PFN2: variants seen among roughly 807,000 people sequenced by gnomAD.
PFN2 encodes profilin 2.
PFN2 carries 8 observed loss-of-function variants against 15.3 expected under a neutral mutation model. That is an observed-to-expected ratio of 0.52 (90% CI 0.31 to 0.95). The LOEUF (loss-of-function observed/expected upper bound fraction) is 0.95. Ranked by LOEUF, PFN2 falls within the 40% of genes least tolerant of loss-of-function variation. The probability of loss-of-function intolerance (pLI) is 0.05; values close to 1 mark genes in which losing one functional copy is unlikely to be tolerated. For missense variants in PFN2, 111 were observed against 182.3 expected, an observed-to-expected ratio of 0.61 and a Z score of 2.25; for synonymous variants, 79 against 67.9, an observed-to-expected ratio of 1.16 and a Z score of -0.81.
At chr3:149,969,875 C>T (rs938381283) in intron 1 of PFN2, among the ~76,000 whole-genome samples, 3 of 152,100 alleles carry the variant, frequency 2.0e-5, no homozygotes, top group Non-Finnish European at 2.9e-5. Context: ...ACTGCCACCA[C>T]TAAAGAGGGA....
In PFN2 at chr3:149,965,079, C is replaced by G; in HGVS notation, c.*1410G>C. The G allele has an allele frequency of 1.6e-6, 1 of 623,690 alleles. No individual in the cohort carries two copies. The highest frequency in any genetic ancestry group is 2.6e-6 in the Non-Finnish European group (1 of 377,782). The allele number at this position is 623,690 out of a possible 1,614,324, so 38.6% of individuals were successfully genotyped here. A position where few individuals can be genotyped will look rare whatever the true frequency, so the allele number is the denominator to read the frequency against. Reference sequence around the variant, plus strand: ...TTTGTTTTTAAATCTGTACATTATCCACAAGGCCCAAACAATAGAAGCAAA... The same window carrying G: ...TTTGTTTTTAAATCTGTACATTATCGACAAGGCCCAAACAATAGAAGCAAA... On this transcript the variant is annotated 3_prime_UTR_variant, in exon 3 of 3. Coordinates refer to ENST00000239940, the MANE Select transcript of PFN2 (RefSeq NM_053024.4).
chr3:149,966,272 A>G lies in PFN2; in HGVS notation c.*217T>C. 1 of 1,611,176 alleles carries G rather than the reference A, an allele frequency of 6.2e-7. No individual in the cohort carries two copies. Among genetic ancestry groups the G allele is most frequent in the South Asian group, 1.1e-5 (1 of 90,340 alleles). ...CCATGACTATAACCAATGCTGGAGTACACAAGGAAACAAAACAAAAGTGAA... is the reference window on the plus strand; with the variant it reads ...CCATGACTATAACCAATGCTGGAGTGCACAAGGAAACAAAACAAAAGTGAA... On this transcript the variant is annotated 3_prime_UTR_variant, in exon 3 of 3. Coordinates refer to ENST00000239940, the MANE Select transcript of PFN2 (RefSeq NM_053024.4).
intron 1 of PFN2, 26 bp downstream of exon 1, chr3:149,970,699 G>C (rs1296333019): frequency 1.3e-6 from 2 of 1,492,154 alleles, no homozygotes; most frequent in African/African-American, 2.9e-5. Context: ...GCAGGGACCA[G>C]GGTACCGGCC....
rs1187101058 is a variant in PFN2 at position 149,965,344 on chromosome 3, A to G, written c.*1145T>C. 1.3e-6 allele frequency: 2 copies of G among 1,517,908 alleles called. No individual in the cohort carries two copies. The highest frequency in any genetic ancestry group is 1.2e-5 in the South Asian group (1 of 80,154). 94.0% of individuals were successfully genotyped at this position (1,517,908 alleles called of 1,614,324 possible). A position where few individuals can be genotyped will look rare whatever the true frequency, so the allele number is the denominator to read the frequency against. The stretch of plus-strand genomic sequence containing the variant: ...ACACACTCCAGATGGTTATGTTGGG[A>G]TACCTAATGTCCATAATGGCAGCCT... On this transcript the variant is annotated 3_prime_UTR_variant, in exon 3 of 3. Coordinates refer to ENST00000239940, the MANE Select transcript of PFN2 (RefSeq NM_053024.4).
In PFN2 at chr3:149,966,594, A is replaced by T. The variant is rs1337066592; in HGVS notation, c.326-8T>A. 6.3e-7 allele frequency: 1 copy of T among 1,597,814 alleles called. No homozygotes were observed. The highest frequency in any genetic ancestry group is 2.2e-5 in the East Asian group (1 of 44,790). On this transcript the variant is annotated splice_polypyrimidine_tract_variant and splice_region_variant and intron_variant, in intron 2 of 2. Coordinates refer to ENST00000239940, the MANE Select transcript of PFN2 (RefSeq NM_053024.4). ...CCATTACAAAGACCAAGACTGAAAG[A>T]GAAAGAAGAAAAGTGTTTCAAAAGA...
chr3:149,966,663 C>T (rs1010362277), intron 2 of PFN2, 77 bp from the exon 3 acceptor site: 144 of 1,066,236 alleles, frequency 1.4e-4, no homozygotes, highest in Non-Finnish European at 1.3e-4. Flanking sequence ...AGACAGAACC[C>T]GGATTAATAA....
chr3:149,967,743 T>C (rs1439420167), intron 2 of PFN2, among the ~76,000 whole-genome samples: 1 of 152,180 alleles, frequency 6.6e-6, no homozygotes, highest in Non-Finnish European at 1.5e-5. Context: ...CTGACAACAG[T>C]CTGGAGACAC....
rs1559985042 is a variant in PFN2, at chr3:149,965,184, G to A, written c.*1305C>T. 6.7e-7 allele frequency: 1 copy of A among 1,491,098 alleles called. No individual in the cohort carries two copies. Among genetic ancestry groups the A allele is most frequent in the Non-Finnish European group, 8.9e-7 (1 of 1,118,388 alleles). 92.4% of individuals were successfully genotyped at this position (1,491,098 alleles called of 1,614,324 possible). On this transcript the variant is annotated 3_prime_UTR_variant, in exon 3 of 3. Transcript: ENST00000239940. ...TAAAATCCATCTCACAATAGCAACA[G>A]TTCATTTTAACAATAGTATGGCACA...
rs1246525729 is a variant in PFN2, at chr3:149,965,142, A to G, written c.*1347T>C. The G allele has an allele frequency of 8.7e-7, 1 of 1,146,098 alleles. No homozygotes were observed. The highest frequency in any genetic ancestry group is 2.6e-5 in the East Asian group (1 of 38,404). The allele number at this position is 1,146,098 out of a possible 1,614,324, so 71.0% of individuals were successfully genotyped here. A position where few individuals can be genotyped will look rare whatever the true frequency, so the allele number is the denominator to read the frequency against. On this transcript the variant is annotated 3_prime_UTR_variant, in exon 3 of 3. Transcript: ENST00000239940. ...CCTAAAGTAGTGCCATTCGAAAGAAACCCTTAATAGGTCAGTTAAAATCCA... is the reference window on the plus strand; with the variant it reads ...CCTAAAGTAGTGCCATTCGAAAGAAGCCCTTAATAGGTCAGTTAAAATCCA...
intron 1 of PFN2, among the ~76,000 whole-genome samples, chr3:149,969,211 C>T (rs758806765): frequency 3.3e-5 from 5 of 152,138 alleles, no homozygotes; most frequent in African/African-American, 7.2e-5. Flanking sequence ...TCTTTCTGGG[C>T]AAACGCAAAG....
Position 149,966,456 on chromosome 3 carries a change from T to C in PFN2, c.*33A>G. ...TATAGCTAGGAAAGTTTAAGAGCAA[T>C]TTTCCCCTAATACTTAACAGTCTGC... On this transcript the variant is annotated 3_prime_UTR_variant, in exon 3 of 3. Transcript: ENST00000239940. The C allele has an allele frequency of 1.2e-6, 2 of 1,603,760 alleles. No individual in the cohort carries two copies. Among genetic ancestry groups the C allele is most frequent in the Non-Finnish European group, 1.7e-6 (2 of 1,177,200 alleles).
At chr3:149,968,759 T>C in intron 1 of PFN2, 1 of 528,316 alleles carries the variant, frequency 1.9e-6, no homozygotes, top group Non-Finnish European at 3.3e-6. Context: ...TGAGTTGATT[T>C]GACTTCAGTT....
In PFN2 at chr3:149,966,397, T is replaced by A; in HGVS notation, c.*92A>T. 1 of 1,590,614 alleles carries A rather than the reference T, an allele frequency of 6.3e-7. No individual in the cohort carries two copies. Among genetic ancestry groups the A allele is most frequent in the Non-Finnish European group, 8.5e-7 (1 of 1,170,772 alleles). On this transcript the variant is annotated 3_prime_UTR_variant, in exon 3 of 3. Coordinates refer to ENST00000239940, the MANE Select transcript of PFN2 (RefSeq NM_053024.4). The stretch of plus-strand genomic sequence containing the variant: ...AGGTTCATACCCCATCACCCTGCAT[T>A]GCTAATAAAATTTCCAGAATTAAGA...
intron 2 of PFN2, 124 bp downstream of exon 2, chr3:149,968,234 G>A (rs1167360589): frequency 1.4e-5 from 11 of 781,174 alleles, no homozygotes; most frequent in Non-Finnish European, 2.2e-5. Context: ...CCATAGTGCT[G>A]GGCAGTTCAC....
At chr3:149,970,225 G>A (rs1722816659) in intron 1 of PFN2, 1 of 151,672 alleles carries the variant, frequency 6.6e-6, no homozygotes, top group Non-Finnish European at 1.5e-5. Flanking sequence ...CCCACAGCCG[G>A]AGGCGCGGGA....
Position 149,970,802 on chromosome 3 carries a change from C to A in PFN2, c.55G>T (p.Glu19Ter). Residue 19 changes from glutamate (E) to a stop codon, truncating the protein, a stop_gained, in exon 1 of 3, where the codon GAG becomes TAG. Transcript: ENST00000239940. LOFTEE classifies it high-confidence loss of function. ...TCGCAGTAGCCGACAATGGCGGCCTCCTGGCAGCAGCCATCGCACATCAGG... is the reference window on the plus strand; with the variant it reads ...TCGCAGTAGCCGACAATGGCGGCCTACTGGCAGCAGCCATCGCACATCAGG... ...DNLMCDGCCQ[E>*]AAIVGYCDAK... 1 of 1,513,362 alleles carries A rather than the reference C, an allele frequency of 6.6e-7. No homozygotes were observed. Among genetic ancestry groups the A allele is most frequent in the Admixed American group, 2.1e-5 (1 of 47,592 alleles). The allele number at this position is 1,513,362 out of a possible 1,614,324, so 93.7% of individuals were successfully genotyped here.
Position 149,965,070 on chromosome 3 carries a change from T to C in PFN2, c.*1419A>G. 1.7e-6 allele frequency: 1 copy of C among 605,070 alleles called. No homozygotes were observed. Among genetic ancestry groups the C allele is most frequent in the East Asian group, 2.9e-5 (1 of 34,544 alleles). 37.5% of individuals were successfully genotyped at this position (605,070 alleles called of 1,614,324 possible). On this transcript the variant is annotated 3_prime_UTR_variant, in exon 3 of 3. Coordinates refer to ENST00000239940, the MANE Select transcript of PFN2 (RefSeq NM_053024.4). ...GCAACAAGATTTGTTTTTAAATCTG[T>C]ACATTATCCACAAGGCCCAAACAAT...
chr3:149,965,524 C>G lies in PFN2; in HGVS notation c.*965G>C, dbSNP rs1429110707. ...TTTTTGCTCTTGTTTTGCCATTGCA[C>G]TCTTCATATGTCCTGTAGACACTAT... On this transcript the variant is annotated 3_prime_UTR_variant, in exon 3 of 3. Coordinates refer to ENST00000239940, the MANE Select transcript of PFN2 (RefSeq NM_053024.4). 2 of 1,400,530 alleles carry G rather than the reference C, an allele frequency of 1.4e-6. No individual in the cohort carries two copies. The highest frequency in any genetic ancestry group is 2.9e-5 in the African/African-American group (2 of 69,012). The allele number at this position is 1,400,530 out of a possible 1,614,324, so 86.8% of individuals were successfully genotyped here.
chr3:149,968,432 C>A lies in PFN2; in HGVS notation c.251G>T (p.Cys84Phe). 1 of 1,614,120 alleles carries A rather than the reference C, an allele frequency of 6.2e-7. No individual in the cohort carries two copies. The highest frequency in any genetic ancestry group is 1.3e-5 in the African/African-American group (1 of 75,052). ...ACTCTTTGTCCGGATGTCCATTGTG[C>A]AGTCACCATCGACGTATAGACTATC... ...IRDSLYVDGDCTMDIRTKSQG... is the reference protein window; with the variant it reads ...IRDSLYVDGDFTMDIRTKSQG... The change falls in exon 2 of 3, where the codon TGC (cysteine) becomes TTC (phenylalanine). Residue 84 changes from cysteine (C) to phenylalanine (F), a missense_variant. Cys to Phe is a radical substitution (Grantham distance 205). Transcript: ENST00000239940.
Sources: gnomAD v4.1 joint callset for allele counts (sites outside exome capture counted in the v4.1 genomes callset) on GRCh38, gnomAD v4.1.1 for gene constraint, MANE v1.5 for transcripts, NCBI Gene and HGNC (gene_info 2026-07-23, HGNC 2026-07-21) for gene names.